The following LRP1B variants were observed in gnomAD, a reference collection of about 807,000 sequenced individuals.
The protein encoded by LRP1B is LDL receptor related protein 1B.
LRP1B carries 217 observed loss-of-function variants against 556.6 expected under a neutral mutation model. That is an observed-to-expected ratio of 0.39 (90% CI 0.35 to 0.44). LRP1B has a LOEUF of 0.44. Ranked by LOEUF, LRP1B falls within the 20% of genes least tolerant of loss-of-function variation. LRP1B has a pLI of 1.00. For missense variants in LRP1B, 5,053 were observed against 5,620.8 expected, an observed-to-expected ratio of 0.90 and a Z score of 3.23; for synonymous variants, 2,047 against 1,865.8, an observed-to-expected ratio of 1.10 and a Z score of -2.50.
intron 7 of LRP1B, among the ~76,000 whole-genome samples, chr2:141,116,150 C>G (rs1280044335): frequency 1.3e-5 from 2 of 151,858 alleles, no homozygotes; most frequent in East Asian, 3.9e-4. Flanking sequence ...ATTTTAGATT[C>G]CTAAAGTAAA....
chr2:140,373,298 G>C (rs1432617530), intron 68 of LRP1B, among the ~76,000 whole-genome samples, 161 bp from the exon 69 acceptor site: 1 of 152,076 alleles, frequency 6.6e-6, no homozygotes, highest in South Asian at 2.1e-4. Flanking sequence ...AATTAAAATT[G>C]CGTTTTTAGA....
chr2:141,912,340 C>T (rs1574486595), intron 1 of LRP1B, among the ~76,000 whole-genome samples: 1 of 152,006 alleles, frequency 6.6e-6, no homozygotes, highest in East Asian at 1.9e-4. Flanking sequence ...ATGAAATATG[C>T]CATTTTATAT....
chr2:142,067,200 G>A (rs78883859), intron 1 of LRP1B, among the ~76,000 whole-genome samples: 1 of 151,320 alleles, frequency 6.6e-6, no homozygotes, highest in Non-Finnish European at 1.5e-5. Context: ...TCCAGGATAA[G>A]TCTCTCTATC....
At chr2:140,874,367 G>C (rs887220477) in intron 25 of LRP1B, among the ~76,000 whole-genome samples, 1 of 151,872 alleles carries the variant, frequency 6.6e-6, no homozygotes, top group African/African-American at 2.4e-5. Context: ...AGATAGTAAT[G>C]CTCTCCTTCA....
chr2:142,068,307 T>G (rs1046882919), intron 1 of LRP1B, among the ~76,000 whole-genome samples: 1 of 151,530 alleles, frequency 6.6e-6, no homozygotes, highest in African/African-American at 2.4e-5. Flanking sequence ...TTTGTCTAAT[T>G]GTGAATTTTA....
chr2:140,879,145 T>G (rs1430328716), intron 25 of LRP1B, among the ~76,000 whole-genome samples: 4 of 152,174 alleles, frequency 2.6e-5, no homozygotes, highest in Non-Finnish European at 5.9e-5. Context: ...ACACAAAGAC[T>G]TCTGATGCAT....
At chr2:141,139,781 A>ATGTGTGTGTGTGTGTG (rs58413685) in intron 7 of LRP1B, among the ~76,000 whole-genome samples, 9 of 148,036 alleles carry the variant, frequency 6.1e-5, no homozygotes, top group Non-Finnish European at 1.2e-4. Context: ...CATTGGAAAA[A>ATGTGTGTGTGTGTGTG]TGTGTGTGTG....
At chr2:140,965,074 C>T (rs996275420) in intron 18 of LRP1B, among the ~76,000 whole-genome samples, 1 of 152,194 alleles carries the variant, frequency 6.6e-6, no homozygotes, top group Non-Finnish European at 1.5e-5. Flanking sequence ...ACATGAGAAT[C>T]ACGTGAACAG....
At chr2:140,277,263 T>G (rs1344123437) in intron 84 of LRP1B, among the ~76,000 whole-genome samples, 1 of 151,866 alleles carries the variant, frequency 6.6e-6, no homozygotes, top group African/African-American at 2.4e-5. Flanking sequence ...TATAAGTAAT[T>G]TTGTGCATAA....
intron 31 of LRP1B, among the ~76,000 whole-genome samples, chr2:140,835,684 C>G (rs768628504): frequency 1.3e-5 from 2 of 151,826 alleles, no homozygotes; most frequent in Non-Finnish European, 2.9e-5. Context: ...ATTACAGGCG[C>G]TCGCCACCAC....
chr2:141,268,030 T>A (rs774367387), intron 3 of LRP1B, among the ~76,000 whole-genome samples: 1 of 152,130 alleles, frequency 6.6e-6, no homozygotes, highest in Non-Finnish European at 1.5e-5. Flanking sequence ...ATGGGACACA[T>A]AAATCCCCAT....
At chr2:140,620,565 C>T (rs189904476) in intron 41 of LRP1B, among the ~76,000 whole-genome samples, 2 of 152,036 alleles carry the variant, frequency 1.3e-5, no homozygotes, top group Non-Finnish European at 2.9e-5. Context: ...AATCATTAAA[C>T]TTCATTGAAA....
intron 41 of LRP1B, among the ~76,000 whole-genome samples, chr2:140,620,313 A>G (rs1385764559): frequency 6.6e-6 from 1 of 152,220 alleles, no homozygotes; most frequent in East Asian, 1.9e-4. Context: ...TGTAAAGTTC[A>G]ATGAGATTAA....
intron 41 of LRP1B, among the ~76,000 whole-genome samples, chr2:140,658,502 T>C (rs1684967646): frequency 6.6e-6 from 1 of 152,044 alleles, no homozygotes; most frequent in Non-Finnish European, 1.5e-5. Context: ...TTAATAATTT[T>C]ATTTTCTCAT....
rs958585783 is a variant in LRP1B, at chr2:140,321,857, G to A, written c.12640+106C>T. Reference sequence around the variant, plus strand: ...GCATTCAAGAACCACTGCTATCAAGGTAGCTAAACTGATGATGGAACAGAT... The same window carrying A: ...GCATTCAAGAACCACTGCTATCAAGATAGCTAAACTGATGATGGAACAGAT... On this transcript the variant is annotated intron_variant, in intron 82 of 90. Transcript: ENST00000389484. The A allele has an allele frequency of 6.4e-6, 7 of 1,101,534 alleles. No individual in the cohort carries two copies. The African/African-American group carries it at 9.5e-5, about 15-fold the overall frequency. The allele number at this position is 1,101,534 out of a possible 1,614,324, so 68.2% of individuals were successfully genotyped here.
At chr2:141,540,950 T>C (rs1246078728) in intron 2 of LRP1B, among the ~76,000 whole-genome samples, 2 of 152,002 alleles carry the variant, frequency 1.3e-5, no homozygotes, top group Admixed American at 6.6e-5. Context: ...AATGAAAATA[T>C]ATGCAAGACA....
At chr2:141,352,583 T>TTGGTTAATTGATAAAAA (rs1688485182) in intron 3 of LRP1B, among the ~76,000 whole-genome samples, 1 of 151,894 alleles carries the variant, frequency 6.6e-6, no homozygotes, top group Non-Finnish European at 1.5e-5. Context: ...GAACAGACCT[T>TTGGTTAATTGATAAAAA]TGGTTAATTG....
intron 86 of LRP1B, among the ~76,000 whole-genome samples, chr2:140,258,092 TC>T (rs1407382518): frequency 6.6e-6 from 1 of 152,250 alleles, no homozygotes; most frequent in Admixed American, 6.5e-5. Context: ...ATTATCTTCC[TC>T]CCAAACGTGT....
At chr2:140,765,928 G>A (rs1286154971) in intron 35 of LRP1B, among the ~76,000 whole-genome samples, 1 of 152,116 alleles carries the variant, frequency 6.6e-6, no homozygotes, top group East Asian at 1.9e-4. Flanking sequence ...ACGAGTTAAT[G>A]GGTGCAGCAC....
Sources: gnomAD v4.1 joint callset for allele counts (sites outside exome capture counted in the v4.1 genomes callset) on GRCh38, gnomAD v4.1.1 for gene constraint, MANE v1.5 for transcripts, NCBI Gene and HGNC (gene_info 2026-07-23, HGNC 2026-07-21) for gene names.